PKNOX2: variants seen among roughly 807,000 people sequenced by gnomAD.
The protein encoded by PKNOX2 is homeobox protein PKNOX2.
Under a neutral mutation model 53.1 loss-of-function variants are expected in PKNOX2, and 14 were observed. The observed-to-expected ratio is 0.26, with a 90% CI of 0.17 to 0.41. The LOEUF (loss-of-function observed/expected upper bound fraction) is 0.41. PKNOX2 is among the 10% of genes least tolerant of loss of function. The pLI, the probability that PKNOX2 is intolerant of heterozygous loss-of-function variation, is 1.00. For missense variants in PKNOX2, 496 were observed against 602.8 expected, an observed-to-expected ratio of 0.82 and a Z score of 1.85; for synonymous variants, 257 against 242.8, an observed-to-expected ratio of 1.06 and a Z score of -0.54.
intron 2 of PKNOX2, among the ~76,000 whole-genome samples, chr11:125,260,002 C>T (rs1236670198): frequency 1.3e-5 from 2 of 151,816 alleles, no homozygotes; most frequent in African/African-American, 4.8e-5. Flanking sequence ...TCACTCTCCC[C>T]AACAAGGACT....
chr11:125,167,400 G>A (rs1450483772), intron 1 of PKNOX2, among the ~76,000 whole-genome samples: 1 of 152,148 alleles, frequency 6.6e-6, no homozygotes, highest in African/African-American at 2.4e-5. Context: ...GAGCTCCAAG[G>A]CTGTTGTTTT....
intron 3 of PKNOX2, among the ~76,000 whole-genome samples, chr11:125,340,587 G>A (rs534265167): frequency 6.6e-6 from 1 of 152,328 alleles, no homozygotes; most frequent in African/African-American, 2.4e-5. Flanking sequence ...TTAGTGTCAT[G>A]CCTGGGGCAC....
chr11:125,235,312 C>T (rs539208348), intron 2 of PKNOX2, among the ~76,000 whole-genome samples, 197 bp downstream of exon 2: 2 of 152,302 alleles, frequency 1.3e-5, no homozygotes, highest in African/African-American at 4.8e-5. Context: ...AATATGACAT[C>T]GTATTTAATT....
intron 5 of PKNOX2, among the ~76,000 whole-genome samples, chr11:125,371,941 A>T (rs1443697804): frequency 6.6e-6 from 1 of 152,134 alleles, no homozygotes; most frequent in Non-Finnish European, 1.5e-5. Context: ...AATTGAATTA[A>T]CTGTGTTAGC....
intron 2 of PKNOX2, among the ~76,000 whole-genome samples, chr11:125,286,862 A>G (rs1292377558): frequency 6.6e-6 from 1 of 152,224 alleles, no homozygotes; most frequent in Non-Finnish European, 1.5e-5. Context: ...CAGAATGTGC[A>G]GGGAAGAACA....
At chr11:125,301,795 C>T (rs533071749) in intron 2 of PKNOX2, among the ~76,000 whole-genome samples, 3 of 152,316 alleles carry the variant, frequency 2.0e-5, no homozygotes, top group East Asian at 3.9e-4. Flanking sequence ...CTAGGACAAC[C>T]TTCCAGAGGC....
Position 125,376,389 on chromosome 11 carries a change from C to G in PKNOX2, c.227+8404C>G, listed in dbSNP as rs187526185. ...GGGGCCGCTGGCTCGCTCCCACCCC[C>G]CTCTGTTCTCTCCATCTGGTGCTTT... On this transcript the variant is annotated intron_variant, in intron 5 of 12. Coordinates refer to ENST00000298282, the MANE Select transcript of PKNOX2 (RefSeq NM_001382323.2). Among the ~76,000 whole-genome samples the G allele has an allele frequency of 3.8e-3, 579 of 152,312 alleles. 4 individuals are homozygous for G. The highest frequency in any genetic ancestry group is 0.011 in the Admixed American group (174 of 15,298).
intron 1 of PKNOX2, among the ~76,000 whole-genome samples, chr11:125,168,133 T>G (rs1194341417): frequency 6.6e-6 from 1 of 152,194 alleles, no homozygotes; most frequent in Non-Finnish European, 1.5e-5. Context: ...TACTTGGGAC[T>G]GGGGGAGGGG....
intron 3 of PKNOX2, among the ~76,000 whole-genome samples, chr11:125,345,073 G>C (rs564883133): frequency 6.6e-6 from 1 of 152,252 alleles, no homozygotes; most frequent in Admixed American, 6.5e-5. Context: ...GACAGGCAGA[G>C]AGCAGCACCC....
chr11:125,397,739 C>A, intron 6 of PKNOX2, 135 bp from the exon 7 acceptor site: 1 of 911,716 alleles, frequency 1.1e-6, no homozygotes, highest in Non-Finnish European at 1.7e-6. Flanking sequence ...GCCTTTTGGC[C>A]AAGATCAAGT....
intron 7 of PKNOX2, among the ~76,000 whole-genome samples, chr11:125,400,168 G>T (rs149344330): frequency 1.6e-3 from 250 of 152,244 alleles, no homozygotes; most frequent in African/African-American, 5.8e-3. Context: ...TGGTGGGTGT[G>T]GGGGAGGGGG....
At chr11:125,339,627 C>T (rs1950584732) in intron 3 of PKNOX2, among the ~76,000 whole-genome samples, 1 of 152,206 alleles carries the variant, frequency 6.6e-6, no homozygotes, top group Non-Finnish European at 1.5e-5. Context: ...TTCACTCCTC[C>T]TGGGCCCCAG....
chr11:125,382,327 ACACACACACAAG>A (rs1294078068), intron 5 of PKNOX2, among the ~76,000 whole-genome samples: 1 of 152,150 alleles, frequency 6.6e-6, no homozygotes, highest in African/African-American at 2.4e-5. Flanking sequence ...ATGCACGCGC[ACACACACACAAG>A]CACACACACA....
At chr11:125,406,502 G>C (rs1422178445) in intron 7 of PKNOX2, among the ~76,000 whole-genome samples, 1 of 152,176 alleles carries the variant, frequency 6.6e-6, no homozygotes, top group African/African-American at 2.4e-5. Context: ...AATCCCAACT[G>C]TACGACTCCC....
At chr11:125,353,040 T>C (rs1951403098) in intron 4 of PKNOX2, among the ~76,000 whole-genome samples, 1 of 152,194 alleles carries the variant, frequency 6.6e-6, no homozygotes, top group Non-Finnish European at 1.5e-5. Context: ...TCATCCTTCT[T>C]TGATAGCAGC....
chr11:125,225,596 A>G (rs1291476768), intron 1 of PKNOX2, among the ~76,000 whole-genome samples: 4 of 152,064 alleles, frequency 2.6e-5, no homozygotes, highest in Admixed American at 2.0e-4. Context: ...TTACTCCTGG[A>G]GGGCACAGCC....
At chr11:125,406,917 TAAAAAAAAAAAAAAAAAA>T (rs67687488) in intron 7 of PKNOX2, among the ~76,000 whole-genome samples, 1 of 41,716 alleles carries the variant, frequency 2.4e-5, no homozygotes, top group Non-Finnish European at 3.9e-5. Context: ...AATCTATGTC[TAAAAAAAAAAAAAAAAAA>T]AAAAAAAAAA....
intron 1 of PKNOX2, among the ~76,000 whole-genome samples, chr11:125,217,149 G>A (rs894345201): frequency 5.3e-5 from 8 of 151,778 alleles, no homozygotes; most frequent in African/African-American, 1.7e-4. Flanking sequence ...GTGCACACAC[G>A]ACCCTCCAGA....
chr11:125,335,164 C>T (rs1950368240), intron 3 of PKNOX2, among the ~76,000 whole-genome samples: 1 of 152,176 alleles, frequency 6.6e-6, no homozygotes, highest in Non-Finnish European at 1.5e-5. Flanking sequence ...CTGATTTGTG[C>T]AGGCCTCCCC....
Sources: gnomAD v4.1 joint callset for allele counts (sites outside exome capture counted in the v4.1 genomes callset) on GRCh38, gnomAD v4.1.1 for gene constraint, MANE v1.5 for transcripts, NCBI Gene and HGNC (gene_info 2026-07-23, HGNC 2026-07-21) for gene names.